MAN1A1: variants seen among roughly 807,000 people sequenced by gnomAD.
MAN1A1 encodes mannosidase alpha class 1A member 1.
MAN1A1 carries 29 observed loss-of-function variants against 70.8 expected under a neutral mutation model. The observed-to-expected ratio is 0.41, with a 90% CI of 0.31 to 0.56. MAN1A1 has a LOEUF of 0.56. Ranked by LOEUF, MAN1A1 falls within the 20% of genes least tolerant of loss-of-function variation. The pLI is 0.29. For missense variants in MAN1A1, 747 were observed against 841.3 expected, an observed-to-expected ratio of 0.89 and a Z score of 1.39; for synonymous variants, 349 against 330.1, an observed-to-expected ratio of 1.06 and a Z score of -0.62.
chr6:119,284,939 G>A (rs1463479350), intron 5 of MAN1A1, among the ~76,000 whole-genome samples: 1 of 152,018 alleles, frequency 6.6e-6, no homozygotes, highest in East Asian at 1.9e-4. Context: ...AATACCTGAG[G>A]CTGGGTAATT....
chr6:119,207,182 ATCCT>A (rs1024291919), intron 6 of MAN1A1, among the ~76,000 whole-genome samples: 1 of 152,222 alleles, frequency 6.6e-6, no homozygotes, highest in Non-Finnish European at 1.5e-5. Context: ...GGTTAAATTT[ATCCT>A]TCCTTCCTCT....
At chr6:119,283,941 G>A (rs572207150) in intron 5 of MAN1A1, among the ~76,000 whole-genome samples, 2 of 152,252 alleles carry the variant, frequency 1.3e-5, no homozygotes, top group African/African-American at 2.4e-5. Context: ...CTGGCAGTAC[G>A]AAGGTCAGTT....
chr6:119,198,110 C>A (rs1168425563), intron 8 of MAN1A1, among the ~76,000 whole-genome samples: 1 of 152,190 alleles, frequency 6.6e-6, no homozygotes, highest in South Asian at 2.1e-4. Flanking sequence ...TATACAAGGG[C>A]CAGGAGCGTG....
chr6:119,338,340 A>T (rs538830393), intron 2 of MAN1A1, among the ~76,000 whole-genome samples: 1 of 152,196 alleles, frequency 6.6e-6, no homozygotes, highest in Middle Eastern at 3.4e-3. Context: ...GGTGGAAAAA[A>T]AAAAGCCCAA....
chr6:119,280,471 T>C (rs973247053), intron 5 of MAN1A1, among the ~76,000 whole-genome samples: 8 of 152,260 alleles, frequency 5.3e-5, no homozygotes, highest in African/African-American at 1.9e-4. Flanking sequence ...CTGTTGTTTC[T>C]GCGGCACCAA....
chr6:119,344,377 A>G (rs195087), intron 2 of MAN1A1, among the ~76,000 whole-genome samples: 17,275 of 152,282 alleles, frequency 0.11, 1,379 homozygotes, highest in Admixed American at 0.25. Context: ...ATTAACAGTC[A>G]GCACCTACTC....
Position 119,349,273 on chromosome 6 carries a change from C to A in MAN1A1, c.-208G>T. On this transcript the variant is annotated 5_prime_UTR_variant, in exon 2 of 13. Transcript: ENST00000368468. Reference sequence around the variant, plus strand: ...GGGCACACAGGCACGCGCGACAGACCGCTGGCTGCAGCCCCTGCGGGGAGA... The same window carrying A: ...GGGCACACAGGCACGCGCGACAGACAGCTGGCTGCAGCCCCTGCGGGGAGA... 8.2e-7 allele frequency: 1 copy of A among 1,212,356 alleles called. No individual in the cohort carries two copies. The highest frequency in any genetic ancestry group is 1.0e-6 in the Non-Finnish European group (1 of 976,040). 75.1% of individuals were successfully genotyped at this position (1,212,356 alleles called of 1,614,324 possible). A position where few individuals can be genotyped will look rare whatever the true frequency, so the allele number is the denominator to read the frequency against.
chr6:119,254,543 G>T (rs970411913), intron 5 of MAN1A1, among the ~76,000 whole-genome samples: 3 of 152,176 alleles, frequency 2.0e-5, no homozygotes, highest in Admixed American at 2.0e-4. Flanking sequence ...TTGGTTTCTG[G>T]TGTTTGTTGG....
Position 119,290,731 on chromosome 6 carries a change from T to C in MAN1A1, c.849A>G (p.Ile283Met). The C allele has an allele frequency of 6.2e-7, 1 of 1,611,176 alleles. No homozygotes were observed. The highest frequency in any genetic ancestry group is 8.5e-7 in the Non-Finnish European group (1 of 1,178,210). The change falls in exon 5 of 13, where the codon ATA (isoleucine) becomes ATG (methionine). Residue 283 changes from isoleucine to methionine, a missense_variant. Physicochemically the swap from Ile to Met is conservative, Grantham distance 10. Transcript: ENST00000368468. ...NAEISVFEVN[I>M]RFVGGLLSAY... ...CTGAGAGTAGTCCACCAACAAAGCG[T>C]ATATTTACTTCAAAGACAGAAATTT...
chr6:119,248,393 A>G (rs1363606631), intron 5 of MAN1A1, 39 bp from the exon 6 acceptor site: 1 of 1,070,422 alleles, frequency 9.3e-7, no homozygotes, highest in Admixed American at 1.7e-5. Context: ...TACTGTTGCA[A>G]GCAAAACAAG....
At position 119,296,716 on chromosome 6, in the gene MAN1A1, G is replaced by GA. The variant is rs3839395; in HGVS notation, c.816+5271dup. Among the ~76,000 whole-genome samples, 271 of 148,516 alleles carry GA rather than the reference G, an allele frequency of 1.8e-3. 1 individual carries two copies. Among genetic ancestry groups the GA allele is most frequent in the African/African-American group, 6.2e-3 (250 of 40,546 alleles). The stretch of plus-strand genomic sequence containing the variant: ...AAACAATCTGGATCTTAACATTAAA[G>GA]AAAAAAAAAAAGTCACTGTTGCCAC... On this transcript the variant is annotated intron_variant, in intron 4 of 12. Coordinates refer to ENST00000368468, the MANE Select transcript of MAN1A1 (RefSeq NM_005907.4).
At chr6:119,198,118 G>T (rs1403363179) in intron 8 of MAN1A1, among the ~76,000 whole-genome samples, 1 of 152,242 alleles carries the variant, frequency 6.6e-6, no homozygotes, top group East Asian at 1.9e-4. Flanking sequence ...GGCCAGGAGC[G>T]TGGCTCACGC....
At chr6:119,206,604 G>C (rs1249847692) in intron 6 of MAN1A1, among the ~76,000 whole-genome samples, 1 of 152,146 alleles carries the variant, frequency 6.6e-6, no homozygotes, top group Non-Finnish European at 1.5e-5. Context: ...AAATTTATTA[G>C]GCTCTGGGAA....
intron 5 of MAN1A1, among the ~76,000 whole-genome samples, chr6:119,270,936 T>C (rs879909802): frequency 3.3e-5 from 5 of 152,250 alleles, no homozygotes; most frequent in Admixed American, 6.5e-5. Context: ...TGCAGTTTAC[T>C]GTTTTCCTTG....
chr6:119,295,993 A>G (rs1329563656), intron 4 of MAN1A1, among the ~76,000 whole-genome samples: 2 of 152,216 alleles, frequency 1.3e-5, no homozygotes, highest in African/African-American at 4.8e-5. Context: ...AAAGACTGGT[A>G]ACTACCAATA....
Position 119,348,862 on chromosome 6 carries a change from C to A in MAN1A1, c.204G>T (p.Leu68=), listed in dbSNP as rs753330185. The A allele has an allele frequency of 2.0e-6, 3 of 1,528,102 alleles. No homozygotes were observed. Among genetic ancestry groups the A allele is most frequent in the South Asian group, 1.2e-5 (1 of 80,908 alleles). 94.7% of individuals were successfully genotyped at this position (1,528,102 alleles called of 1,614,324 possible). ...AIFFLPDSSK[L]LSGVLFHSSP... is the part of the protein sequence containing the mutation. Reference sequence around the variant, plus strand: ...TGGAGTGGAACAGGACCCCGCTGAGCAGCTTGGAGGAGTCTGGCAGGAAGA... The same window carrying A: ...TGGAGTGGAACAGGACCCCGCTGAGAAGCTTGGAGGAGTCTGGCAGGAAGA... Residue 68 remains leucine, a synonymous_variant, in exon 2 of 13, where the codon CTG becomes CTT. Transcript: ENST00000368468.
chr6:119,232,310 T>A (rs1177971712), intron 6 of MAN1A1, among the ~76,000 whole-genome samples: 1 of 148,632 alleles, frequency 6.7e-6, no homozygotes, highest in Non-Finnish European at 1.5e-5. Flanking sequence ...GAGGTGTAGC[T>A]TGCAGTGAGC....
chr6:119,294,629 A>G (rs1772149367), intron 4 of MAN1A1, among the ~76,000 whole-genome samples: 1 of 152,090 alleles, frequency 6.6e-6, no homozygotes, highest in Non-Finnish European at 1.5e-5. Flanking sequence ...CCATGTACCT[A>G]TTAGTTAATG....
chr6:119,189,176 A>G (rs1206878054), intron 10 of MAN1A1, among the ~76,000 whole-genome samples: 2 of 152,214 alleles, frequency 1.3e-5, no homozygotes, highest in Admixed American at 1.3e-4. Flanking sequence ...GATACAAGGC[A>G]CCATGAAATA....
Sources: allele counts gnomAD v4.1 joint callset (sites outside exome capture counted in the v4.1 genomes callset), GRCh38; gene constraint gnomAD v4.1.1; transcripts MANE v1.5; gene names NCBI Gene and HGNC (gene_info 2026-07-23, HGNC 2026-07-21).